GPHN: variants seen among roughly 807,000 people sequenced by gnomAD.
The protein encoded by GPHN is gephyrin.
Under a neutral mutation model 95.5 loss-of-function variants are expected in GPHN, and 17 were observed. That is an observed-to-expected ratio of 0.18 (90% CI 0.12 to 0.27). The LOEUF (loss-of-function observed/expected upper bound fraction) is 0.27, where lower values mean the gene tolerates loss of function less well. GPHN is among the 10% of genes least tolerant of loss of function. The pLI is 1.00. For missense variants in GPHN, 660 were observed against 978.1 expected, an observed-to-expected ratio of 0.67 and a Z score of 4.34; for synonymous variants, 320 against 322.5, an observed-to-expected ratio of 0.99 and a Z score of 0.08.
the GPHN span, among the ~76,000 whole-genome samples, chr14:67,495,659 C>T: frequency 1.3e-5 from 2 of 152,006 alleles, no homozygotes; most frequent in South Asian, 4.2e-4. Context: ...GATTTTTGTA[C>T]TTTTAGTAGA....
At chr14:66,583,675 T>C (rs1054562392) in intron 1 of GPHN, among the ~76,000 whole-genome samples, 16 of 152,182 alleles carry the variant, frequency 1.1e-4, no homozygotes, top group Non-Finnish European at 2.4e-4. Flanking sequence ...TTGTCAGGTT[T>C]GTCAAAGATC....
chr14:67,655,565 G>T, the GPHN span, among the ~76,000 whole-genome samples: 2 of 151,366 alleles, frequency 1.3e-5, no homozygotes, highest in Admixed American at 6.6e-5. Context: ...ACAGTAAAGG[G>T]TTATAGTCCA....
At chr14:67,066,982 A>C (rs2094719104) in intron 11 of GPHN, among the ~76,000 whole-genome samples, 1 of 152,194 alleles carries the variant, frequency 6.6e-6, no homozygotes, top group Admixed American at 6.5e-5. Context: ...GCTGGTGAGG[A>C]GCTGCGATCC....
chr14:66,774,131 T>C (rs1324272004), intron 2 of GPHN, among the ~76,000 whole-genome samples: 1 of 150,412 alleles, frequency 6.6e-6, no homozygotes, highest in African/African-American at 2.5e-5. Context: ...GCCTCCCGAG[T>C]AGCTGGGACT....
the GPHN span, among the ~76,000 whole-genome samples, chr14:67,544,073 T>G: frequency 1.3e-5 from 2 of 152,100 alleles, no homozygotes; most frequent in South Asian, 4.1e-4. Context: ...CTGCATCAAG[T>G]CAGGACTATT....
At chr14:67,373,660 G>A in the GPHN span, among the ~76,000 whole-genome samples, 70 of 152,184 alleles carry the variant, frequency 4.6e-4, 1 homozygote, top group Non-Finnish European at 1.2e-4. Flanking sequence ...ACGTTGACAA[G>A]TTACTTAACC....
At chr14:67,333,042 G>T in the GPHN span, 2 of 1,188,518 alleles carry the variant, frequency 1.7e-6, no homozygotes, top group African/African-American at 3.0e-5. Context: ...GCAAGATTGA[G>T]GATAAGATGG....
chr14:66,652,257 C>T (rs1435836893), intron 1 of GPHN, among the ~76,000 whole-genome samples: 3 of 152,088 alleles, frequency 2.0e-5, no homozygotes, highest in East Asian at 1.9e-4. Flanking sequence ...GCAAAATATT[C>T]ACTTCATTCC....
intron 4 of GPHN, among the ~76,000 whole-genome samples, chr14:66,855,329 T>G (rs1260218000): frequency 6.6e-6 from 1 of 152,200 alleles, no homozygotes; most frequent in African/African-American, 2.4e-5. Flanking sequence ...CTACTTTCTA[T>G]CTTTATAAAT....
At chr14:66,765,201 C>T (rs910241480) in intron 2 of GPHN, among the ~76,000 whole-genome samples, 1 of 152,160 alleles carries the variant, frequency 6.6e-6, no homozygotes, top group Admixed American at 6.5e-5. Context: ...AAAGGGAACA[C>T]TTATTCACTG....
chr14:67,160,201 A>T (rs1420961759), intron 19 of GPHN, among the ~76,000 whole-genome samples: 1 of 152,164 alleles, frequency 6.6e-6, no homozygotes, highest in Non-Finnish European at 1.5e-5. Flanking sequence ...TGTGCCATTG[A>T]CTTGCTAGAG....
chr14:67,730,428 C>T, the GPHN span, among the ~76,000 whole-genome samples: 1 of 152,084 alleles, frequency 6.6e-6, no homozygotes. Flanking sequence ...TCTGAAAATT[C>T]GGAGTCCGGA....
the GPHN span, among the ~76,000 whole-genome samples, chr14:67,704,984 G>A: frequency 6.6e-6 from 1 of 152,198 alleles, no homozygotes; most frequent in African/African-American, 2.4e-5. Flanking sequence ...AGCAGGTCTA[G>A]GTAGTCCAGG....
chr14:66,617,031 G>C (rs955775669), intron 1 of GPHN, among the ~76,000 whole-genome samples: 4 of 152,132 alleles, frequency 2.6e-5, no homozygotes, highest in African/African-American at 9.6e-5. Context: ...ATTTAACGAA[G>C]CACTTTGACT....
At chr14:66,940,031 G>T (rs1173094287) in intron 8 of GPHN, among the ~76,000 whole-genome samples, 1 of 152,222 alleles carries the variant, frequency 6.6e-6, no homozygotes, top group Admixed American at 6.5e-5. Flanking sequence ...CCAAAAGCTT[G>T]ACCGGTAAGA....
chr14:66,764,332 G>A (rs2058878683), intron 2 of GPHN, among the ~76,000 whole-genome samples: 1 of 152,104 alleles, frequency 6.6e-6, no homozygotes, highest in African/African-American at 2.4e-5. Flanking sequence ...CAGGGGGAGG[G>A]AAGGTGTTCT....
the GPHN span, among the ~76,000 whole-genome samples, chr14:67,531,582 A>C: frequency 1.3e-5 from 2 of 151,764 alleles, no homozygotes; most frequent in African/African-American, 4.8e-5. Flanking sequence ...TCCACTCTCC[A>C]TGGTGCGTCT....
chr14:66,547,098 T>G (rs1341429245), intron 1 of GPHN, among the ~76,000 whole-genome samples: 2 of 152,200 alleles, frequency 1.3e-5, no homozygotes, highest in East Asian at 1.9e-4. Context: ...CCCTCATGCT[T>G]CTTTTTGCCT....
intron 2 of GPHN, among the ~76,000 whole-genome samples, chr14:66,746,277 A>G (rs1188040743): frequency 1.3e-5 from 2 of 152,174 alleles, no homozygotes; most frequent in Non-Finnish European, 2.9e-5. Context: ...CATCTGCATC[A>G]TTTCAGTATT....
Sources: gnomAD v4.1 joint callset for allele counts (sites outside exome capture counted in the v4.1 genomes callset) on GRCh38, gnomAD v4.1.1 for gene constraint, MANE v1.5 for transcripts, NCBI Gene and HGNC (gene_info 2026-07-23, HGNC 2026-07-21) for gene names.